Variants in OR2T35 observed in about 807,000 individuals in gnomAD.
OR2T35 encodes olfactory receptor family 2 subfamily T member 35 (gene/pseudogene).
For synonymous variants in OR2T35, 18 were observed against 110.2 expected (o/e 0.16, Z 5.24); for missense variants, 47 against 278.8 (o/e 0.17, Z 5.92).
chr1:248,638,614 A>C lies in OR2T35; in HGVS notation c.645T>G (p.Ser215=). ...TCAGGAGGATGTGCGTGTAGGACAC[A>C]GAGATGACAGATAGAGGGATAAGCA... ...LMLLIPLSVI[S]VSYTHILLTV... is the part of the protein sequence containing the mutation. Residue 215 remains serine (S), a synonymous_variant, in exon 2 of 2, where the codon TCT becomes TCG. Coordinates refer to ENST00000641268, the MANE Select transcript of OR2T35 (RefSeq NM_001001827.2). 3 of 1,550,972 alleles carry C rather than the reference A, an allele frequency of 1.9e-6. No homozygotes were observed. The highest frequency in any genetic ancestry group is 2.6e-6 in the Non-Finnish European group (3 of 1,148,420).
intron 1 of OR2T35, among the ~76,000 whole-genome samples, chr1:248,641,468 C>A (rs1191188144): frequency 2.7e-5 from 1 of 36,806 alleles, no homozygotes; most frequent in Non-Finnish European, 1.1e-4. Flanking sequence ...ACTTTTGAAT[C>A]AGAACATGAA....
Position 248,645,156 on chromosome 1 carries a change from G to A in OR2T35, c.-23+91C>T, listed in dbSNP as rs574944487. The A allele has an allele frequency of 1.8e-4, 25 of 138,286 alleles. 1 individual carries two copies. Among genetic ancestry groups the A allele is most frequent in the African/African-American group, 6.0e-4 (23 of 38,122 alleles). The allele number at this position is 138,286 out of a possible 1,614,324, so 8.6% of individuals were successfully genotyped here. A position where few individuals can be genotyped will look rare whatever the true frequency, so the allele number is the denominator to read the frequency against. ...AACAAAACAAAATCAGCACTATAAT[G>A]GCATGTAGGTGAACATTTATTGAAC... On this transcript the variant is annotated intron_variant, in intron 1 of 1. Transcript: ENST00000641268.
intron 1 of OR2T35, among the ~76,000 whole-genome samples, chr1:248,644,461 A>G (rs1480068775): frequency 4.1e-5 from 5 of 121,032 alleles, no homozygotes; most frequent in Admixed American, 7.9e-5. Context: ...ATCAGAGACA[A>G]TGTAAATAAT....
chr1:248,644,560 GGA>G (rs1660831242), intron 1 of OR2T35, among the ~76,000 whole-genome samples: 1 of 142,106 alleles, frequency 7.0e-6, no homozygotes, highest in South Asian at 2.2e-4. Flanking sequence ...AAGAGCCCGT[GGA>G]GAGCTGAGGT....
In OR2T35 at chr1:248,637,032, C is replaced by T. The variant is rs1046813436; in HGVS notation, c.*1255G>A. On this transcript the variant is annotated 3_prime_UTR_variant, in exon 2 of 2. Coordinates refer to ENST00000641268, the MANE Select transcript of OR2T35 (RefSeq NM_001001827.2). Reference sequence around the variant, plus strand: ...TCTATCAAAGCACCACACCTAACTCCAACTAATTACAAAAATACTTGTCTT... The same window carrying T: ...TCTATCAAAGCACCACACCTAACTCTAACTAATTACAAAAATACTTGTCTT... 7.2e-5 allele frequency: 1 copy of T among 13,940 alleles called. No individual in the cohort carries two copies. Among genetic ancestry groups the T allele is most frequent in the African/African-American group, 8.4e-5 (1 of 11,952 alleles). 0.9% of individuals were successfully genotyped at this position (13,940 alleles called of 1,614,324 possible). A position where few individuals can be genotyped will look rare whatever the true frequency, so the allele number is the denominator to read the frequency against.
At chr1:248,643,115 GTTTA>G in intron 1 of OR2T35, among the ~76,000 whole-genome samples, 1 of 121,048 alleles carries the variant, frequency 8.3e-6, no homozygotes, top group Non-Finnish European at 1.8e-5. Flanking sequence ...TTTTAAAGGT[GTTTA>G]GCCACAAATA....
At chr1:248,644,146 T>C (rs1376987620) in intron 1 of OR2T35, among the ~76,000 whole-genome samples, 1 of 117,242 alleles carries the variant, frequency 8.5e-6, no homozygotes, top group Non-Finnish European at 1.8e-5. Flanking sequence ...TTTCATTTAA[T>C]ATTTTTTACA....
Position 248,641,640 on chromosome 1 carries a change from G to GA in OR2T35, c.-22-2361dup, listed in dbSNP as rs1196460460. Among the ~76,000 whole-genome samples, 32 of 75,990 alleles carry GA rather than the reference G, an allele frequency of 4.2e-4. 1 individual carries two copies. The highest frequency in any genetic ancestry group is 9.8e-4 in the African/African-American group (31 of 31,792). 49.9% of individuals were successfully genotyped at this position (75,990 alleles called of 152,430 possible). ...CCCAGAAGAGGAGAGTAAAAAAGCT[G>GA]AAACAGGAGAAAGATATGATTTTAG... is the stretch of plus-strand genomic sequence containing the variant. On this transcript the variant is annotated intron_variant, in intron 1 of 1. Transcript: ENST00000641268.
intron 1 of OR2T35, among the ~76,000 whole-genome samples, chr1:248,641,770 TGA>T (rs1660787180): frequency 1.2e-5 from 1 of 82,480 alleles, no homozygotes; most frequent in African/African-American, 2.9e-5. Flanking sequence ...TGTTCATATG[TGA>T]GTGTGTGAGC....
At chr1:248,642,349 C>CA (rs1196489183) in intron 1 of OR2T35, among the ~76,000 whole-genome samples, 11 of 142,220 alleles carry the variant, frequency 7.7e-5, no homozygotes, top group African/African-American at 2.7e-4. Context: ...CCCTGACCCC[C>CA]AGGACCAGTT....
chr1:248,638,198 T>C lies in OR2T35; in HGVS notation c.*89A>G. 1.1e-6 allele frequency: 1 copy of C among 903,376 alleles called. No individual in the cohort carries two copies. The highest frequency in any genetic ancestry group is 1.7e-6 in the Non-Finnish European group (1 of 585,098). The allele number at this position is 903,376 out of a possible 1,614,324, so 56.0% of individuals were successfully genotyped here. Reference sequence around the variant, plus strand: ...GTTTGCACTAGTCCCTGCTAGTCCTTCCTGATCAGTCACCACCCCTGATGC... The same window carrying C: ...GTTTGCACTAGTCCCTGCTAGTCCTCCCTGATCAGTCACCACCCCTGATGC... On this transcript the variant is annotated 3_prime_UTR_variant, in exon 2 of 2. Coordinates refer to ENST00000641268, the MANE Select transcript of OR2T35 (RefSeq NM_001001827.2).
rs1355636982 is a variant in OR2T35, at chr1:248,638,277, G to A, written c.*10C>T. ...TCACAGTCACCACTCTGATACTCTG[G>A]GAGTCCCTGCTAGCCCTTCCTGATC... On this transcript the variant is annotated 3_prime_UTR_variant, in exon 2 of 2. Transcript: ENST00000641268. The A allele has an allele frequency of 9.4e-6, 11 of 1,166,670 alleles. 1 individual carries two copies. Among genetic ancestry groups the A allele is most frequent in the Admixed American group, 4.4e-5 (2 of 45,690 alleles). The allele number at this position is 1,166,670 out of a possible 1,614,324, so 72.3% of individuals were successfully genotyped here.
At chr1:248,642,268 G>A (rs1251157812) in intron 1 of OR2T35, among the ~76,000 whole-genome samples, 3 of 134,802 alleles carry the variant, frequency 2.2e-5, no homozygotes, top group African/African-American at 7.5e-5. Context: ...TTATTTGCGT[G>A]ATCAAAGCTT....
chr1:248,643,756 A>AAG (rs1660817107), intron 1 of OR2T35, among the ~76,000 whole-genome samples: 1 of 15,108 alleles, frequency 6.6e-5, no homozygotes, highest in Non-Finnish European at 2.1e-4. Context: ...TTTCAGTTTG[A>AAG]TGTGACAGCA....
rs1319466599 is a variant in OR2T35 at position 248,644,136 on chromosome 1, TTTCATTTAA to T, written c.-23+1102_-23+1110del. On this transcript the variant is annotated intron_variant, in intron 1 of 1. Coordinates refer to ENST00000641268, the MANE Select transcript of OR2T35 (RefSeq NM_001001827.2). ...GGTGGGCAATTTAAAATTTGAGATT[TTTCATTTAA>T]TATTTTTTACACATGGTAGATAGCA... Among the ~76,000 whole-genome samples, 315 of 44,300 alleles carry T rather than the reference TTTCATTTAA, an allele frequency of 7.1e-3. 2 individuals carry two copies. The highest frequency in any genetic ancestry group is 0.015 in the African/African-American group (297 of 19,984). 29.1% of individuals were successfully genotyped at this position (44,300 alleles called of 152,430 possible).
intron 1 of OR2T35, among the ~76,000 whole-genome samples, chr1:248,639,677 GAATTTA>G (rs1183206307): frequency 1.4e-5 from 1 of 73,302 alleles, no homozygotes; most frequent in African/African-American, 4.1e-5. Flanking sequence ...GAAATGATTT[GAATTTA>G]AATTGCTCTC....
Position 248,642,231 on chromosome 1 carries a change from A to AG in OR2T35, c.-22-2952_-22-2951insC, listed in dbSNP as rs1398944606. Among the ~76,000 whole-genome samples the AG allele has an allele frequency of 2.9e-3, 166 of 56,606 alleles. 4 individuals carry two copies. Among genetic ancestry groups the AG allele is most frequent in the African/African-American group, 5.0e-3 (157 of 31,462 alleles). 37.1% of individuals were successfully genotyped at this position (56,606 alleles called of 152,430 possible). A position where few individuals can be genotyped will look rare whatever the true frequency, so the allele number is the denominator to read the frequency against. Reference sequence around the variant, plus strand: ...CTAGTCTTTCCAAAAAAAAAAAAAAAAAAAGAAAAAGAAAAAGAAAAAGCT... The same window carrying AG: ...CTAGTCTTTCCAAAAAAAAAAAAAAAGAAAAGAAAAAGAAAAAGAAAAAGCT... On this transcript the variant is annotated intron_variant, in intron 1 of 1. Transcript: ENST00000641268.
chr1:248,644,519 G>A (rs144169832), intron 1 of OR2T35, among the ~76,000 whole-genome samples: 109,068 of 122,488 alleles, frequency 0.89, 48,852 homozygotes, highest in Non-Finnish European at 0.95. Flanking sequence ...GGGTGGAAGA[G>A]AGAGGGGAGA....
intron 1 of OR2T35, among the ~76,000 whole-genome samples, chr1:248,644,075 A>T (rs11485831): frequency 0.14 from 2,425 of 17,398 alleles, 386 homozygotes; most frequent in African/African-American, 0.21. Flanking sequence ...AATCAACTAC[A>T]CAGAGGGATG....
Sources: gnomAD v4.1 joint callset for allele counts (sites outside exome capture counted in the v4.1 genomes callset) on GRCh38, gnomAD v4.1.1 for gene constraint, MANE v1.5 for transcripts, NCBI Gene and HGNC (gene_info 2026-07-23, HGNC 2026-07-21) for gene names.